Variants in ARNT observed in about 807,000 individuals in gnomAD.
ARNT encodes class E basic helix-loop-helix protein 2.
A neutral mutation model predicts 105.0 loss-of-function variants in ARNT; 30 were observed. That is an observed-to-expected ratio of 0.29 (90% CI 0.21 to 0.39). The LOEUF (loss-of-function observed/expected upper bound fraction) is 0.39. ARNT is among the 10% of genes least tolerant of loss of function. The pLI is 1.00. For synonymous variants in ARNT, 304 were observed against 344.0 expected, an observed-to-expected ratio of 0.88 and a Z score of 1.29; for missense variants, 748 against 978.7, an observed-to-expected ratio of 0.76 and a Z score of 3.15.
rs749693130 is a variant in ARNT, at chr1:150,809,809, T to C, written c.*2212A>G. ...TTCAAGTCCCGACTCTTCCCCTCTC[T>C]CCCAAGAACCCAGGCAACGCCCACC... On this transcript the variant is annotated 3_prime_UTR_variant, in exon 22 of 22. Coordinates refer to ENST00000358595, the MANE Select transcript of ARNT (RefSeq NM_001668.4). 6 of 221,094 alleles carry C rather than the reference T, an allele frequency of 2.7e-5. No homozygotes were observed. Among genetic ancestry groups the C allele is most frequent in the African/African-American group, 4.5e-5 (2 of 44,552 alleles). The allele number at this position is 221,094 out of a possible 1,614,324, so 13.7% of individuals were successfully genotyped here.
chr1:150,874,759 AAAAAGG>A (rs1394195191), intron 1 of ARNT, among the ~76,000 whole-genome samples: 1 of 152,176 alleles, frequency 6.6e-6, no homozygotes, highest in Non-Finnish European at 1.5e-5. Flanking sequence ...AAAGAAAAAG[AAAAAGG>A]AAATCTAAAA....
At chr1:150,820,105 CTTTCA>C (rs887453828) in intron 14 of ARNT, among the ~76,000 whole-genome samples, 71 of 152,280 alleles carry the variant, frequency 4.7e-4, no homozygotes, top group African/African-American at 1.6e-3. Context: ...CAGCCCCATT[CTTTCA>C]TTTGTCTATG....
At chr1:150,855,736 TA>T (rs769612799) in intron 2 of ARNT, among the ~76,000 whole-genome samples, 743 of 136,884 alleles carry the variant, frequency 5.4e-3, no homozygotes, top group Middle Eastern at 0.011. Flanking sequence ...ACCATGTCTT[TA>T]AAAAAAAAAA....
chr1:150,842,179 A>G (rs1354811073), intron 5 of ARNT: 1 of 799,608 alleles, frequency 1.3e-6, no homozygotes, highest in Admixed American at 6.2e-5. Flanking sequence ...AAAGAGAAAA[A>G]GAAAAAAAAA....
At chr1:150,838,399 ATTCT>A (rs1660683488) in intron 6 of ARNT, among the ~76,000 whole-genome samples, 1 of 152,172 alleles carries the variant, frequency 6.6e-6, no homozygotes, top group African/African-American at 2.4e-5. Context: ...TTGTCTCACC[ATTCT>A]TTCTATTTCT....
At position 150,868,697 on chromosome 1, in the gene ARNT, C is replaced by T. The variant is rs189027338; in HGVS notation, c.25+7846G>A. Among the ~76,000 whole-genome samples, 217 of 151,232 alleles carry T rather than the reference C, an allele frequency of 1.4e-3. 1 individual carries two copies. Among genetic ancestry groups the T allele is most frequent in the African/African-American group, 4.8e-3 (199 of 41,180 alleles). ...TGGGCAGATCACGAGGTCAGGAGAT[C>T]GAGACCATCCTGGCCAACATGGTGA... On this transcript the variant is annotated intron_variant, in intron 1 of 21. Coordinates refer to ENST00000358595, the MANE Select transcript of ARNT (RefSeq NM_001668.4).
At chr1:150,831,985 A>G in intron 9 of ARNT, 82 bp from the exon 10 acceptor site, 1 of 927,074 alleles carries the variant, frequency 1.1e-6, no homozygotes, top group Non-Finnish European at 1.7e-6. Context: ...TAGTACTTTT[A>G]AGTTTATGCT....
chr1:150,850,255 A>ACGG (rs1557924208), intron 3 of ARNT, among the ~76,000 whole-genome samples: 3 of 151,104 alleles, frequency 2.0e-5, no homozygotes, highest in Non-Finnish European at 3.0e-5. Context: ...CTCCCTCTCC[A>ACGG]TCTCCCTCTC....
chr1:150,822,998 C>A (rs1657423983), intron 14 of ARNT, among the ~76,000 whole-genome samples, 196 bp downstream of exon 14: 1 of 152,142 alleles, frequency 6.6e-6, no homozygotes, highest in Non-Finnish European at 1.5e-5. Context: ...CTCACTGCAA[C>A]CTCCACCTCT....
At chr1:150,816,144 A>T in intron 19 of ARNT, 115 bp downstream of exon 19, 1 of 1,308,676 alleles carries the variant, frequency 7.6e-7, no homozygotes, top group Non-Finnish European at 1.0e-6. Flanking sequence ...TGGAAACCGG[A>T]GAACAGGGGT....
rs1331508781 is a variant in ARNT at position 150,831,914 on chromosome 1, T to C, written c.870-11A>G. ...GAGCCAAGTCCATTCCTAGAAGAGTTACAGGAGTTTGAAAAAAAAAAAAAA... is the reference window on the plus strand; with the variant it reads ...GAGCCAAGTCCATTCCTAGAAGAGTCACAGGAGTTTGAAAAAAAAAAAAAA... On this transcript the variant is annotated splice_polypyrimidine_tract_variant and intron_variant, in intron 9 of 21. Transcript: ENST00000358595. 1 of 1,478,490 alleles carries C rather than the reference T, an allele frequency of 6.8e-7. No individual in the cohort carries two copies. 91.6% of individuals were successfully genotyped at this position (1,478,490 alleles called of 1,614,324 possible).
chr1:150,868,752 T>G (rs969287568), intron 1 of ARNT, among the ~76,000 whole-genome samples: 1 of 150,810 alleles, frequency 6.6e-6, no homozygotes, highest in Non-Finnish European at 1.5e-5. Flanking sequence ...ACACAAAAAT[T>G]AGCCAGGCGC....
rs1177891946 is a variant in ARNT, at chr1:150,809,818, C to T, written c.*2203G>A. The T allele has an allele frequency of 4.5e-6, 1 of 221,214 alleles. No homozygotes were observed. The highest frequency in any genetic ancestry group is 2.2e-5 in the African/African-American group (1 of 44,652). 13.7% of individuals were successfully genotyped at this position (221,214 alleles called of 1,614,324 possible). ...CGACTCTTCCCCTCTCTCCCAAGAA[C>T]CCAGGCAACGCCCACCCCAAAACCC... is the stretch of plus-strand genomic sequence containing the variant. On this transcript the variant is annotated 3_prime_UTR_variant, in exon 22 of 22. Transcript: ENST00000358595.
chr1:150,869,792 A>G (rs994494171), intron 1 of ARNT, among the ~76,000 whole-genome samples: 21 of 151,864 alleles, frequency 1.4e-4, no homozygotes, highest in African/African-American at 4.8e-4. Flanking sequence ...GGCTTAAACA[A>G]TCCTCTCACC....
At chr1:150,816,680 C>T in intron 18 of ARNT, 108 bp downstream of exon 18, 1 of 1,322,994 alleles carries the variant, frequency 7.6e-7, no homozygotes, top group Admixed American at 2.7e-5. Flanking sequence ...CTACAAGCTT[C>T]ACTGCTTTTT....
At chr1:150,821,823 ATTTTCTTTTTTTTTTTT>A (rs1657145264) in intron 14 of ARNT, among the ~76,000 whole-genome samples, 1 of 76,576 alleles carries the variant, frequency 1.3e-5, no homozygotes, top group Non-Finnish European at 2.6e-5. Context: ...TAATTTTTGT[ATTTTCTTTTTTTTTTTT>A]TTTTTTTTTT....
Position 150,859,074 on chromosome 1 carries a change from T to C in ARNT, c.26-614A>G, listed in dbSNP as rs1423584274. On this transcript the variant is annotated intron_variant, in intron 1 of 21. Transcript: ENST00000358595. ...TACTAATATTGTATAGACTTAATAA[T>C]ATACTAATTTTAAAAAAATACATAC... Among the ~76,000 whole-genome samples the C allele has an allele frequency of 5.9e-5, 8 of 134,478 alleles. No homozygotes were observed. The Admixed American group carries it at 6.3e-4, about 11-fold the overall frequency. 88.2% of individuals were successfully genotyped at this position (134,478 alleles called of 152,430 possible).
At chr1:150,846,776 T>C (rs931195066) in intron 3 of ARNT, among the ~76,000 whole-genome samples, 2 of 152,180 alleles carry the variant, frequency 1.3e-5, no homozygotes, top group African/African-American at 4.8e-5. Context: ...TTCTCATTTC[T>C]CCTTCACCCC....
intron 3 of ARNT, among the ~76,000 whole-genome samples, chr1:150,851,321 G>T (rs1272546234): frequency 6.6e-6 from 1 of 152,136 alleles, no homozygotes; most frequent in Non-Finnish European, 1.5e-5. Context: ...GGGAAGTGAG[G>T]AGCCCCTCTG....
Sources: gnomAD v4.1 joint callset for allele counts (sites outside exome capture counted in the v4.1 genomes callset) on GRCh38, gnomAD v4.1.1 for gene constraint, MANE v1.5 for transcripts, NCBI Gene and HGNC (gene_info 2026-07-23, HGNC 2026-07-21) for gene names.